SPECC1: variants seen among roughly 807,000 people sequenced by gnomAD.
SPECC1 encodes cytospin-B.
SPECC1 carries 62 observed loss-of-function variants against 104.1 expected under a neutral mutation model. That is an observed-to-expected ratio of 0.60 (90% confidence interval 0.49 to 0.74). SPECC1 has a LOEUF of 0.74. SPECC1 is among the 30% of genes least tolerant of loss of function. The probability of loss-of-function intolerance (pLI) is 0.00; values close to 1 mark genes in which losing one functional copy is unlikely to be tolerated. For missense variants in SPECC1, 1,306 were observed against 1,310.5 expected, an observed-to-expected ratio of 1.00 and a Z score of 0.05; for synonymous variants, 513 against 501.6, an observed-to-expected ratio of 1.02 and a Z score of -0.30.
intron 3 of SPECC1, among the ~76,000 whole-genome samples, chr17:20,160,652 C>T (rs2033054342): frequency 6.6e-6 from 1 of 152,102 alleles, no homozygotes; most frequent in South Asian, 2.1e-4. Flanking sequence ...GCTGTATTTG[C>T]TTTATTTGTA....
intron 3 of SPECC1, among the ~76,000 whole-genome samples, chr17:20,163,633 T>C (rs1254648958): frequency 6.6e-6 from 1 of 151,698 alleles, no homozygotes; most frequent in Non-Finnish European, 1.5e-5. Flanking sequence ...GGGTCAGAGC[T>C]TACTGCAGCC....
chr17:20,150,707 A>G (rs1403400138), intron 3 of SPECC1, among the ~76,000 whole-genome samples: 1 of 151,796 alleles, frequency 6.6e-6, no homozygotes, highest in East Asian at 1.9e-4. Flanking sequence ...TTTCTTTCAA[A>G]TAAATTTCTG....
intron 1 of SPECC1, among the ~76,000 whole-genome samples, chr17:20,085,450 T>TA (rs2047141177): frequency 3.3e-5 from 5 of 152,218 alleles, no homozygotes; most frequent in Admixed American, 3.3e-4. Context: ...CTTGTAGACT[T>TA]ACTCCTGTGC....
At chr17:20,210,931 C>T (rs543087456) in intron 4 of SPECC1, among the ~76,000 whole-genome samples, 63 of 152,332 alleles carry the variant, frequency 4.1e-4, no homozygotes, top group Non-Finnish European at 2.9e-4. Context: ...GACCCCACCC[C>T]ATTGACCATT....
At chr17:20,284,867 G>A (rs564601000) in intron 12 of SPECC1, among the ~76,000 whole-genome samples, 21 of 152,334 alleles carry the variant, frequency 1.4e-4, no homozygotes, top group African/African-American at 5.1e-4. Context: ...TGAATGTACA[G>A]CATTTTCTAA....
intron 1 of SPECC1, among the ~76,000 whole-genome samples, chr17:20,062,703 T>G (rs2046229238): frequency 6.6e-6 from 1 of 151,772 alleles, no homozygotes; most frequent in Non-Finnish European, 1.5e-5. Context: ...TTTTTTTTTT[T>G]TTTGAGATGT....
chr17:20,148,061 A>G (rs1410987552), intron 3 of SPECC1, among the ~76,000 whole-genome samples: 2 of 152,060 alleles, frequency 1.3e-5, no homozygotes, highest in African/African-American at 2.4e-5. Context: ...AAAAAGATGG[A>G]CACTTTGGTG....
chr17:20,079,294 T>C (rs1418927887), intron 1 of SPECC1, among the ~76,000 whole-genome samples: 1 of 152,058 alleles, frequency 6.6e-6, no homozygotes, highest in African/African-American at 2.4e-5. Context: ...GGTTTATTGA[T>C]TTATTATTTA....
rs1349348335 is a variant in SPECC1 at position 20,039,599 on chromosome 17, G to A, written c.-22+30175G>A. Among the ~76,000 whole-genome samples the A allele has an allele frequency of 3.3e-5, 5 of 152,060 alleles. No homozygotes were observed. In the East Asian group the frequency reaches 5.8e-4, roughly 18 times the overall value. On this transcript the variant is annotated intron_variant, in intron 1 of 14. Coordinates refer to ENST00000395527, the MANE Select transcript of SPECC1 (RefSeq NM_001243439.2). ...AACTGAGGTGGAGTCTCACTCTGTCGTTCAGGCTGGAGTGGCGCAATCTTG... is the reference window on the plus strand; with the variant it reads ...AACTGAGGTGGAGTCTCACTCTGTCATTCAGGCTGGAGTGGCGCAATCTTG...
intron 1 of SPECC1, among the ~76,000 whole-genome samples, chr17:20,010,501 C>CTAA (rs1162141366): frequency 6.6e-6 from 1 of 152,204 alleles, no homozygotes; most frequent in African/African-American, 2.4e-5. Context: ...CTTGTCAATC[C>CTAA]TAATACCTCA....
At chr17:20,106,695 T>C (rs902339593) in intron 2 of SPECC1, among the ~76,000 whole-genome samples, 3 of 152,154 alleles carry the variant, frequency 2.0e-5, no homozygotes, top group African/African-American at 4.8e-5. Context: ...TGCTCCTCCT[T>C]TGCTTTCCAC....
chr17:20,109,832 C>T (rs985767311), intron 2 of SPECC1, among the ~76,000 whole-genome samples: 4 of 151,964 alleles, frequency 2.6e-5, no homozygotes, highest in Non-Finnish European at 4.4e-5. Context: ...CTTTTTTTCC[C>T]CCACCAGGAG....
intron 3 of SPECC1, among the ~76,000 whole-genome samples, chr17:20,139,539 C>G (rs1434400014): frequency 6.6e-6 from 1 of 152,178 alleles, no homozygotes; most frequent in African/African-American, 2.4e-5. Context: ...TAACTGCTTT[C>G]TCTAGCATCT....
intron 3 of SPECC1, among the ~76,000 whole-genome samples, chr17:20,161,458 C>T (rs1180111954): frequency 6.6e-6 from 1 of 151,774 alleles, no homozygotes; most frequent in African/African-American, 2.4e-5. Flanking sequence ...TTCTGTGCAT[C>T]ATTTATAGGT....
At chr17:20,032,054 T>G (rs1439908016) in intron 1 of SPECC1, among the ~76,000 whole-genome samples, 1 of 152,212 alleles carries the variant, frequency 6.6e-6, no homozygotes, top group Non-Finnish European at 1.5e-5. Flanking sequence ...TCTTTATTTT[T>G]TTTCTTTGAG....
At chr17:20,312,374 CTAAA>C (rs1567627596) in intron 14 of SPECC1, among the ~76,000 whole-genome samples, 1 of 152,064 alleles carries the variant, frequency 6.6e-6, no homozygotes, top group African/African-American at 2.4e-5. Flanking sequence ...TAACAATGTA[CTAAA>C]TATTTTTAGT....
At chr17:20,239,305 C>G in intron 7 of SPECC1, 1 of 1,010,890 alleles carries the variant, frequency 9.9e-7, no homozygotes, top group Non-Finnish European at 1.2e-6. Context: ...ATTAATCTTT[C>G]TTCTCCCTCA....
At chr17:20,041,076 A>G (rs1370950215) in intron 1 of SPECC1, among the ~76,000 whole-genome samples, 1 of 136,806 alleles carries the variant, frequency 7.3e-6, no homozygotes, top group Non-Finnish European at 1.6e-5. Context: ...TTTCTTCTTT[A>G]TTTTTTGGCC....
chr17:20,307,952 T>C (rs887105464), intron 14 of SPECC1, among the ~76,000 whole-genome samples: 5 of 152,134 alleles, frequency 3.3e-5, no homozygotes, highest in African/African-American at 1.2e-4. Context: ...TGCTCACCAG[T>C]AATAAAAATA....
Sources: gnomAD v4.1 joint callset for allele counts (sites outside exome capture counted in the v4.1 genomes callset) on GRCh38, gnomAD v4.1.1 for gene constraint, MANE v1.5 for transcripts, NCBI Gene and HGNC (gene_info 2026-07-23, HGNC 2026-07-21) for gene names.